KIAA0319L: variants seen among roughly 807,000 people sequenced by gnomAD.
The protein encoded by KIAA0319L is KIAA0319 like.
Under a neutral mutation model 120.1 loss-of-function variants are expected in KIAA0319L, and 55 were observed. That is an observed-to-expected ratio of 0.46 (90% CI 0.37 to 0.57). The LOEUF is 0.57. KIAA0319L is among the 20% of genes least tolerant of loss of function. KIAA0319L has a pLI of 0.00. For synonymous variants in KIAA0319L, 398 were observed against 471.9 expected (o/e 0.84, Z 2.03); for missense variants, 1,049 against 1,255.3 (o/e 0.84, Z 2.48).
At chr1:35,475,893 C>T (rs895544676) in intron 4 of KIAA0319L, among the ~76,000 whole-genome samples, 1 of 152,148 alleles carries the variant, frequency 6.6e-6, no homozygotes, top group African/African-American at 2.4e-5. Context: ...ATTGATTTTC[C>T]CTCTTGTGTT....
At chr1:35,470,492 C>CAA (rs34215571) in intron 6 of KIAA0319L, among the ~76,000 whole-genome samples, 47 of 73,340 alleles carry the variant, frequency 6.4e-4, no homozygotes, top group Middle Eastern at 8.6e-3. Context: ...GACCCTGTCT[C>CAA]AAAAAAAAAA....
intron 7 of KIAA0319L, 97 bp downstream of exon 7, chr1:35,466,510 CA>C (rs939749144): frequency 1.6e-4 from 125 of 776,492 alleles, no homozygotes; most frequent in Non-Finnish European, 2.1e-4. Flanking sequence ...AAATACATTA[CA>C]AAAAAAATGA....
At position 35,474,874 on chromosome 1, in the gene KIAA0319L, T is replaced by A. The variant is rs1643846708; in HGVS notation, c.946A>T (p.Ser316Cys). The A allele has an allele frequency of 6.2e-7, 1 of 1,609,634 alleles. No homozygotes were observed. Among genetic ancestry groups the A allele is most frequent in the East Asian group, 2.2e-5 (1 of 44,790 alleles). Residue 316 changes from serine to cysteine, a missense_variant, in exon 5 of 21, where the codon AGT becomes TGT. By Grantham distance (112) the Ser-to-Cys change is moderately radical. Coordinates refer to ENST00000325722, the MANE Select transcript of KIAA0319L (RefSeq NM_024874.5). ...TTCTTAGGCAGGGTTATCTGGACAC[T>A]CTCTCCAGCAGATACCACCAGTTCC... is the stretch of plus-strand genomic sequence containing the variant. ...IKELVVSAGE[S>C]VQITLPKNEV...
At chr1:35,513,267 C>CATATATATATATATATATATAT (rs1189085625) in intron 2 of KIAA0319L, among the ~76,000 whole-genome samples, 1 of 107,458 alleles carries the variant, frequency 9.3e-6, no homozygotes, top group African/African-American at 3.7e-5. Flanking sequence ...ATCTATATAA[C>CATATATATATATATATATATAT]ATATATATAT....
At chr1:35,450,149 G>A (rs1407790943) in intron 14 of KIAA0319L, 144 bp from the exon 15 acceptor site, 2 of 1,080,388 alleles carry the variant, frequency 1.9e-6, no homozygotes, top group East Asian at 2.4e-5. Flanking sequence ...CAGCATTGCA[G>A]CCTACAACTG....
intron 10 of KIAA0319L, 80 bp downstream of exon 10, chr1:35,455,929 CAGTT>C (rs1204926569): frequency 2.9e-6 from 3 of 1,041,796 alleles, no homozygotes; most frequent in Non-Finnish European, 4.3e-6. Flanking sequence ...AAAGCTTTCT[CAGTT>C]TGTTTGGAGG....
intron 3 of KIAA0319L, among the ~76,000 whole-genome samples, chr1:35,488,762 T>A (rs1404690897): frequency 3.9e-5 from 6 of 152,090 alleles, no homozygotes; most frequent in Non-Finnish European, 8.8e-5. Context: ...GCAACCAGTA[T>A]GAAATAATGC....
rs1446685454 is a variant in KIAA0319L, at chr1:35,479,222, T to TA, written c.667-11dup. ...TAATCGCCTTGTGGACCTAAAGAAA[T>TA]AAAAAAACTAATTTGAGTAGGTAAA... On this transcript the variant is annotated splice_polypyrimidine_tract_variant and intron_variant, in intron 3 of 20. Transcript: ENST00000325722. 8.7e-6 allele frequency: 14 copies of TA among 1,602,806 alleles called. No individual in the cohort carries two copies. The highest frequency in any genetic ancestry group is 4.5e-5 in the East Asian group (2 of 44,754).
At chr1:35,518,145 G>A (rs941272509) in intron 2 of KIAA0319L, among the ~76,000 whole-genome samples, 7 of 152,134 alleles carry the variant, frequency 4.6e-5, no homozygotes, top group African/African-American at 9.7e-5. Context: ...CAACCATTGC[G>A]GAAAGCAGTA....
intron 2 of KIAA0319L, among the ~76,000 whole-genome samples, chr1:35,521,379 A>G (rs1645903823): frequency 6.6e-6 from 1 of 152,118 alleles, no homozygotes; most frequent in South Asian, 2.1e-4. Context: ...TCACGCCTGT[A>G]ATCCCAGCAC....
intron 3 of KIAA0319L, among the ~76,000 whole-genome samples, chr1:35,494,393 A>G (rs997019726): frequency 1.3e-5 from 2 of 152,042 alleles, no homozygotes; most frequent in African/African-American, 4.8e-5. Flanking sequence ...AGGTTAAGGT[A>G]AGCCAAGATC....
chr1:35,488,641 T>C (rs1570790520), intron 3 of KIAA0319L, among the ~76,000 whole-genome samples: 1 of 152,178 alleles, frequency 6.6e-6, no homozygotes, highest in East Asian at 1.9e-4. Context: ...CATTTAGGAA[T>C]ACAAAGGCTG....
intron 2 of KIAA0319L, among the ~76,000 whole-genome samples, chr1:35,512,534 A>T (rs1354021327): frequency 6.6e-6 from 1 of 152,088 alleles, no homozygotes; most frequent in African/African-American, 2.4e-5. Context: ...CGGACTGACC[A>T]CGGGAAAAAA....
chr1:35,451,780 C>CA lies in KIAA0319L; in HGVS notation c.1914-5dup, dbSNP rs753908437. ...GAGCTGCACCCCATCAGGTCCCCTG[C>CA]AAAAAAAGAAACTAGAGGGTAGAGT... On this transcript the variant is annotated splice_region_variant and splice_polypyrimidine_tract_variant and intron_variant, in intron 12 of 20. Coordinates refer to ENST00000325722, the MANE Select transcript of KIAA0319L (RefSeq NM_024874.5). 8.1e-6 allele frequency: 13 copies of CA among 1,609,860 alleles called. No individual in the cohort carries two copies. The highest frequency in any genetic ancestry group is 1.1e-5 in the Non-Finnish European group (13 of 1,178,786).
chr1:35,463,660 G>A (rs1288451809), intron 7 of KIAA0319L, among the ~76,000 whole-genome samples: 1 of 152,200 alleles, frequency 6.6e-6, no homozygotes, highest in African/African-American at 2.4e-5. Context: ...TGGCTACAAA[G>A]TACAAGGAAT....
intron 2 of KIAA0319L, among the ~76,000 whole-genome samples, chr1:35,522,223 T>C (rs1645951041): frequency 6.6e-6 from 1 of 152,194 alleles, no homozygotes; most frequent in African/African-American, 2.4e-5. Flanking sequence ...GCCAGGTGAC[T>C]GAAGATGAAA....
Position 35,462,743 on chromosome 1 carries a change from G to A in KIAA0319L, c.1202-30C>T, listed in dbSNP as rs925221695. The A allele has an allele frequency of 4.5e-6, 7 of 1,539,998 alleles. No individual in the cohort carries two copies. In the East Asian group the frequency reaches 1.3e-4, roughly 30 times the overall value. On this transcript the variant is annotated intron_variant, in intron 7 of 20. Coordinates refer to ENST00000325722, the MANE Select transcript of KIAA0319L (RefSeq NM_024874.5). ...AAGAAAGTGACCCAAAAGAAATTGG[G>A]AAAGAGGCTTCAGAAATTACAGGAG...
intron 8 of KIAA0319L, among the ~76,000 whole-genome samples, chr1:35,462,188 G>C (rs940992995): frequency 1.3e-5 from 2 of 152,082 alleles, no homozygotes; most frequent in African/African-American, 4.8e-5. Flanking sequence ...TCCAGGAGGC[G>C]GCTGATGAGA....
At chr1:35,555,667 C>G (rs549261238) in intron 1 of KIAA0319L, among the ~76,000 whole-genome samples, 1 of 152,256 alleles carries the variant, frequency 6.6e-6, no homozygotes, top group African/African-American at 2.4e-5. Context: ...AAAGTACATC[C>G]AGCAATTTCT....
Sources: allele counts gnomAD v4.1 joint callset (sites outside exome capture counted in the v4.1 genomes callset), GRCh38; gene constraint gnomAD v4.1.1; transcripts MANE v1.5; gene names NCBI Gene and HGNC (gene_info 2026-07-23, HGNC 2026-07-21).